ZNF143: variants seen among roughly 807,000 people sequenced by gnomAD.
The protein encoded by ZNF143 is SPH-binding factor.
Under a neutral mutation model 74.1 loss-of-function variants are expected in ZNF143, and 49 were observed. That is an observed-to-expected ratio of 0.66 (90% CI 0.53 to 0.84). The LOEUF (loss-of-function observed/expected upper bound fraction) is 0.84. Ranked by LOEUF, ZNF143 falls within the 40% of genes least tolerant of loss-of-function variation. The pLI, the probability that ZNF143 is intolerant of heterozygous loss-of-function variation, is 0.00. For synonymous variants in ZNF143, 304 were observed against 282.8 expected (o/e 1.07, Z -0.75); for missense variants, 637 against 793.4 (o/e 0.80, Z 2.37).
intron 14 of ZNF143, among the ~76,000 whole-genome samples, chr11:9,524,836 A>G (rs1849067765): frequency 6.6e-6 from 1 of 152,232 alleles, no homozygotes; most frequent in Admixed American, 6.5e-5. Context: ...TACGACAAGT[A>G]AAGAGGAAAA....
intron 7 of ZNF143, among the ~76,000 whole-genome samples, chr11:9,486,363 T>TTATATATATAATA (rs1554964372): frequency 2.4e-4 from 10 of 41,250 alleles, no homozygotes; most frequent in African/African-American, 1.1e-3. Flanking sequence ...TATATATATA[T>TTATATATATAATA]TATATATAAT....
At chr11:9,474,512 A>G (rs747657363) in intron 4 of ZNF143, 38 bp from the exon 5 acceptor site, 15 of 1,604,868 alleles carry the variant, frequency 9.3e-6, no homozygotes, top group Admixed American at 6.7e-5. Flanking sequence ...GGAATGTGCT[A>G]GAAAACATGA....
rs1848142835 is a variant in ZNF143 at position 9,501,120 on chromosome 11, G to T, written c.997G>T (p.Gly333Cys). 1 of 1,614,032 alleles carries T rather than the reference G, an allele frequency of 6.2e-7. No individual in the cohort carries two copies. Among genetic ancestry groups the T allele is most frequent in the Admixed American group, 1.7e-5 (1 of 59,992 alleles). Reference protein sequence around the residue: ...GERPFKCPFEGCGRSFTTSNI... With the variant: ...GERPFKCPFECCGRSFTTSNI... The stretch of plus-strand genomic sequence containing the variant: ...AAGGCCCTTTAAGTGTCCCTTCGAA[G>T]GCTGCGGTCGGTCCTTTACAACATC... Residue 333 changes from glycine (G) to cysteine (C), a missense_variant, in exon 11 of 16, where the codon GGC (glycine) becomes TGC (cysteine). Around this residue, in one of 2 missense-constraint regions of ZNF143, gnomAD observed 344 missense variants for 485.6 expected, o/e 0.71. Coordinates refer to ENST00000396602, the MANE Select transcript of ZNF143 (RefSeq NM_003442.6).
At chr11:9,494,562 C>T in intron 7 of ZNF143, 84 bp from the exon 8 acceptor site, 6 of 1,405,642 alleles carry the variant, frequency 4.3e-6, no homozygotes, top group Non-Finnish European at 5.8e-6. Flanking sequence ...CCGCCTACCT[C>T]TGCCTCCCCA....
chr11:9,493,976 A>G (rs1236086923), intron 7 of ZNF143, among the ~76,000 whole-genome samples: 2 of 152,062 alleles, frequency 1.3e-5, no homozygotes, highest in African/African-American at 2.4e-5. Context: ...CACTTTTGAC[A>G]TTGTTTTTGG....
chr11:9,491,676 G>C (rs543972782), intron 7 of ZNF143, among the ~76,000 whole-genome samples: 2 of 152,198 alleles, frequency 1.3e-5, no homozygotes, highest in East Asian at 1.9e-4. Flanking sequence ...TGTCACCCAG[G>C]ATGCGTTGCA....
intron 9 of ZNF143, among the ~76,000 whole-genome samples, 197 bp from the exon 10 acceptor site, chr11:9,497,478 G>A (rs1236150549): frequency 4.6e-5 from 7 of 152,252 alleles, no homozygotes; most frequent in Admixed American, 2.6e-4. Context: ...TGATCCGCCC[G>A]CCTTGGCATT....
intron 8 of ZNF143, 112 bp from the exon 9 acceptor site, chr11:9,496,191 A>G (rs1565047357): frequency 1.1e-6 from 1 of 874,526 alleles, no homozygotes; most frequent in Non-Finnish European, 1.8e-6. Flanking sequence ...TTATAAGAAA[A>G]AAGCATACAA....
intron 14 of ZNF143, among the ~76,000 whole-genome samples, chr11:9,524,483 C>T (rs1191772578): frequency 1.3e-5 from 2 of 152,172 alleles, no homozygotes; most frequent in Non-Finnish European, 1.5e-5. Flanking sequence ...TATCTATTAG[C>T]TTAAAATGTA....
chr11:9,486,554 G>A (rs1302771153), intron 7 of ZNF143, among the ~76,000 whole-genome samples: 2 of 134,570 alleles, frequency 1.5e-5, no homozygotes, highest in Non-Finnish European at 1.5e-5. Context: ...AGCAGCTCCA[G>A]TTCCTTTTTC....
At chr11:9,486,440 A>T (rs1426082594) in intron 7 of ZNF143, among the ~76,000 whole-genome samples, 4 of 35,630 alleles carry the variant, frequency 1.1e-4, no homozygotes, top group Non-Finnish European at 2.5e-4. Context: ...TATATATATA[A>T]TATATTATAT....
chr11:9,515,637 G>A (rs2134204028), intron 13 of ZNF143, among the ~76,000 whole-genome samples: 1 of 143,036 alleles, frequency 7.0e-6, no homozygotes, highest in South Asian at 2.2e-4. Flanking sequence ...CTGGGCAACA[G>A]AGCGAGACTC....
intron 14 of ZNF143, among the ~76,000 whole-genome samples, chr11:9,520,025 A>ATTTTTTTTTTTTTTTTTTTTTTTT (rs954404348): frequency 2.2e-5 from 2 of 91,386 alleles, no homozygotes; most frequent in African/African-American, 9.5e-5. Context: ...GTTTCCACCA[A>ATTTTTTTTTTTTTTTTTTTTTTTT]TTTTTTTTTT....
chr11:9,502,465 C>T (rs1848201467), intron 11 of ZNF143, among the ~76,000 whole-genome samples: 1 of 150,862 alleles, frequency 6.6e-6, no homozygotes, highest in African/African-American at 2.4e-5. Flanking sequence ...AAAAAATTAG[C>T]CGGGCATGGT....
At chr11:9,464,086 TTGTGTGTG>T (rs144501900) in intron 1 of ZNF143, among the ~76,000 whole-genome samples, 31 of 124,016 alleles carry the variant, frequency 2.5e-4, no homozygotes, top group Middle Eastern at 4.1e-3. Flanking sequence ...GTGTGTGTGT[TTGTGTGTG>T]TGTGTGTGTG....
chr11:9,469,661 A>G (rs1038024439), intron 1 of ZNF143, among the ~76,000 whole-genome samples: 1 of 152,104 alleles, frequency 6.6e-6, no homozygotes, highest in Non-Finnish European at 1.5e-5. Flanking sequence ...TGTACCTAAA[A>G]GGTCACCCCT....
At chr11:9,482,631 A>G (rs554511150) in intron 7 of ZNF143, among the ~76,000 whole-genome samples, 1 of 149,324 alleles carries the variant, frequency 6.7e-6, no homozygotes, top group South Asian at 2.1e-4. Context: ...ACCAGTAGAC[A>G]AATAGAAGAC....
At chr11:9,513,910 T>C (rs1369513796) in intron 13 of ZNF143, among the ~76,000 whole-genome samples, 1 of 152,110 alleles carries the variant, frequency 6.6e-6, no homozygotes, top group Non-Finnish European at 1.5e-5. Context: ...TAAATACATT[T>C]TAAAAAGAGG....
Position 9,494,725 on chromosome 11 carries a change from A to G in ZNF143, c.725A>G (p.Asp242Gly). ...GAGAAGGCATTTCGATGTGAATATGATGGATGTGGAAAATTATATACAACA... is the reference window on the plus strand; with the variant it reads ...GAGAAGGCATTTCGATGTGAATATGGTGGATGTGGAAAATTATATACAACA... ...SGEKAFRCEY[D>G]GCGKLYTTAH... is the part of the protein sequence containing the mutation. The change falls in exon 8 of 16, where the codon GAT (aspartate) becomes GGT (glycine). Residue 242 changes from aspartate (D) to glycine (G), a missense_variant. Coordinates refer to ENST00000396602, the MANE Select transcript of ZNF143 (RefSeq NM_003442.6). The G allele has an allele frequency of 1.2e-6, 2 of 1,613,218 alleles. No homozygotes were observed. Among genetic ancestry groups the G allele is most frequent in the South Asian group, 2.2e-5 (2 of 91,064 alleles).
Sources: gnomAD v4.1 joint callset for allele counts (sites outside exome capture counted in the v4.1 genomes callset) on GRCh38, gnomAD v4.1.1 for gene constraint, gnomAD v4.1.1 regional missense constraint, MANE v1.5 for transcripts, NCBI Gene and HGNC (gene_info 2026-07-23, HGNC 2026-07-21) for gene names.